ZBTB8OS: variants seen among roughly 807,000 people sequenced by gnomAD.
The protein encoded by ZBTB8OS is tRNA splicing ligase complex subunit 1.
Under a neutral mutation model 29.3 loss-of-function variants are expected in ZBTB8OS, and 16 were observed. That is an observed-to-expected ratio of 0.55 (90% CI 0.37 to 0.83). The LOEUF is 0.83. Ranked by LOEUF, ZBTB8OS falls within the 40% of genes least tolerant of loss-of-function variation. The pLI, the probability that ZBTB8OS is intolerant of heterozygous loss-of-function variation, is 0.00. For synonymous variants in ZBTB8OS, 70 were observed against 64.6 expected (o/e 1.08, Z -0.40); for missense variants, 160 against 196.9 (o/e 0.81, Z 1.12).
intron 1 of ZBTB8OS, among the ~76,000 whole-genome samples, chr1:32,645,991 G>A (rs781400826): frequency 1.2e-4 from 18 of 152,130 alleles, no homozygotes; most frequent in South Asian, 4.1e-4. Context: ...CTTATGACAC[G>A]GGCACTCTTC....
At chr1:32,634,651 C>T (rs1394888694) in intron 2 of ZBTB8OS, 117 bp downstream of exon 2, 5 of 1,353,622 alleles carry the variant, frequency 3.7e-6, no homozygotes, top group African/African-American at 2.9e-5. Flanking sequence ...CCATCATTTT[C>T]ATATTGTGAA....
At chr1:32,635,236 T>C (rs999276044) in intron 1 of ZBTB8OS, among the ~76,000 whole-genome samples, 2 of 152,034 alleles carry the variant, frequency 1.3e-5, no homozygotes, top group African/African-American at 4.8e-5. Context: ...ACATTCCCAT[T>C]GGATCTCTCC....
At chr1:32,632,559 C>T (rs1057046189) in intron 4 of ZBTB8OS, among the ~76,000 whole-genome samples, 6 of 152,136 alleles carry the variant, frequency 3.9e-5, no homozygotes, top group Non-Finnish European at 8.8e-5. Context: ...GGACCACAGG[C>T]ATGTGCCACT....
chr1:32,650,852 A>G, upstream of ZBTB8OS: 1 of 487,040 alleles, frequency 2.1e-6, no homozygotes, highest in Non-Finnish European at 3.7e-6. Flanking sequence ...AAAATTGATA[A>G]CTAGACCCGA....
At position 32,621,716 on chromosome 1, in the gene ZBTB8OS, GAA is replaced by G. The variant is rs1287024972; in HGVS notation, c.*144_*145del. On this transcript the variant is annotated 3_prime_UTR_variant, in exon 7 of 7. Coordinates refer to ENST00000468695, the MANE Select transcript of ZBTB8OS (RefSeq NM_178547.5). ...GGCTGTGCCCTGATTTTCCCTTTCT[GAA>G]AGTCACACTTTAACTAAAATATTTC... 1.5e-6 allele frequency: 1 copy of G among 649,550 alleles called. No homozygotes were observed. Among genetic ancestry groups the G allele is most frequent in the Non-Finnish European group, 2.6e-6 (1 of 382,458 alleles). The allele number at this position is 649,550 out of a possible 1,614,324, so 40.2% of individuals were successfully genotyped here.
intron 6 of ZBTB8OS, among the ~76,000 whole-genome samples, chr1:32,624,645 G>T (rs1644977515): frequency 6.6e-6 from 1 of 152,180 alleles, no homozygotes; most frequent in South Asian, 2.1e-4. Context: ...TGTAATCTCA[G>T]CACTTTGGGA....
chr1:32,627,089 T>C (rs1257860808), intron 6 of ZBTB8OS, among the ~76,000 whole-genome samples: 1 of 152,140 alleles, frequency 6.6e-6, no homozygotes, highest in East Asian at 1.9e-4. Flanking sequence ...CTGTCCATTT[T>C]ACAGAAAAAA....
chr1:32,640,027 C>T (rs1020207409), intron 1 of ZBTB8OS: 1 of 152,112 alleles, frequency 6.6e-6, no homozygotes, highest in Non-Finnish European at 1.5e-5. Flanking sequence ...TTCTCCACTC[C>T]CACTGCTTTA....
chr1:32,622,646 T>C (rs1370074729), intron 6 of ZBTB8OS, among the ~76,000 whole-genome samples: 5 of 151,734 alleles, frequency 3.3e-5, no homozygotes, highest in Non-Finnish European at 7.4e-5. Flanking sequence ...AAATTATCTG[T>C]ACACTAAACC....
intron 1 of ZBTB8OS, among the ~76,000 whole-genome samples, chr1:32,645,367 C>T (rs1646755796): frequency 6.6e-6 from 1 of 151,084 alleles, no homozygotes; most frequent in South Asian, 2.1e-4. Context: ...GTGTAGTAGC[C>T]AGGCATAGAC....
chr1:32,633,889 A>G, intron 3 of ZBTB8OS, 62 bp downstream of exon 3: 1 of 1,519,236 alleles, frequency 6.6e-7, no homozygotes, highest in South Asian at 1.4e-5. Context: ...GATTATGTAG[A>G]ATACTGCACA....
chr1:32,632,636 G>A (rs1158402924), intron 4 of ZBTB8OS, among the ~76,000 whole-genome samples: 2 of 152,066 alleles, frequency 1.3e-5, no homozygotes, highest in African/African-American at 4.8e-5. Context: ...TGCCCAAGCT[G>A]AGTATTAAAT....
intron 6 of ZBTB8OS, among the ~76,000 whole-genome samples, chr1:32,622,606 T>C (rs1288871373): frequency 2.0e-5 from 3 of 152,020 alleles, no homozygotes; most frequent in Admixed American, 6.6e-5. Flanking sequence ...AAACTGCCTA[T>C]CAGGTATTAT....
upstream of ZBTB8OS, chr1:32,650,624 A>C: frequency 4.4e-6 from 7 of 1,602,396 alleles, 1 homozygote; most frequent in South Asian, 7.8e-5. Flanking sequence ...CTTGGCGCAC[A>C]CCCTTAAAGG....
intron 1 of ZBTB8OS, among the ~76,000 whole-genome samples, chr1:32,643,389 GT>G (rs869040133): frequency 1.3e-4 from 1 of 7,470 alleles, no homozygotes; most frequent in African/African-American, 1.5e-4. Flanking sequence ...TTTTGTTTTA[GT>G]TTTTGGTTTT....
At chr1:32,634,187 T>C (rs1645783583) in intron 2 of ZBTB8OS, 115 bp from the exon 3 acceptor site, 6 of 870,022 alleles carry the variant, frequency 6.9e-6, no homozygotes, top group Non-Finnish European at 9.9e-6. Flanking sequence ...AAGGCCTCAA[T>C]CAATTTAACA....
At chr1:32,637,482 T>C (rs575822188) in intron 1 of ZBTB8OS, among the ~76,000 whole-genome samples, 19 of 151,606 alleles carry the variant, frequency 1.3e-4, no homozygotes, top group African/African-American at 4.1e-4. Flanking sequence ...GCAGGAGAAC[T>C]GCTTGAACCC....
chr1:32,639,417 C>G (rs1202616786), intron 1 of ZBTB8OS, among the ~76,000 whole-genome samples: 3 of 151,954 alleles, frequency 2.0e-5, no homozygotes, highest in Non-Finnish European at 4.4e-5. Context: ...GGCTCAAGTG[C>G]TTACCACCAT....
chr1:32,646,512 C>G (rs574064685), intron 1 of ZBTB8OS, among the ~76,000 whole-genome samples: 3 of 151,240 alleles, frequency 2.0e-5, no homozygotes, highest in Non-Finnish European at 4.4e-5. Context: ...CTCAGCCTCC[C>G]GAGTAGCTGG....
Sources: gnomAD v4.1 joint callset for allele counts (sites outside exome capture counted in the v4.1 genomes callset) on GRCh38, gnomAD v4.1.1 for gene constraint, MANE v1.5 for transcripts, NCBI Gene and HGNC (gene_info 2026-07-23, HGNC 2026-07-21) for gene names.